UACA: variants seen among roughly 807,000 people sequenced by gnomAD.
UACA encodes nuclear membrane binding protein.
UACA carries 112 observed loss-of-function variants against 160.5 expected under a neutral mutation model. That is an observed-to-expected ratio of 0.70 (90% CI 0.60 to 0.82). The LOEUF (loss-of-function observed/expected upper bound fraction) is 0.82, where lower values mean the gene tolerates loss of function less well. Ranked by LOEUF, UACA falls within the 40% of genes least tolerant of loss-of-function variation. UACA has a pLI of 0.00. For synonymous variants in UACA, 557 were observed against 568.4 expected, an observed-to-expected ratio of 0.98 and a Z score of 0.29; for missense variants, 1,574 against 1,614.6, an observed-to-expected ratio of 0.97 and a Z score of 0.43.
At chr15:70,757,284 G>A (rs2030486698) in intron 1 of UACA, among the ~76,000 whole-genome samples, 1 of 152,150 alleles carries the variant, frequency 6.6e-6, no homozygotes, top group Non-Finnish European at 1.5e-5. Context: ...TATAGCTAAA[G>A]GGTGATTATT....
upstream of UACA, among the ~76,000 whole-genome samples, chr15:70,765,267 C>T (rs1467492265): frequency 2.0e-5 from 3 of 151,962 alleles, no homozygotes; most frequent in Non-Finnish European, 4.4e-5. Context: ...TAGGGGATGT[C>T]GGGGGCTTCT....
intron 1 of UACA, among the ~76,000 whole-genome samples, chr15:70,723,634 CTTT>C (rs71845744): frequency 5.8e-5 from 8 of 138,972 alleles, no homozygotes; most frequent in Non-Finnish European, 9.3e-5. Flanking sequence ...CAACTTTTTC[CTTT>C]TTTTTTTTTT....
chr15:70,669,355 C>T lies in UACA; in HGVS notation c.1329G>A (p.Lys443=). 6.2e-7 allele frequency: 1 copy of T among 1,613,848 alleles called. No individual in the cohort carries two copies. The highest frequency in any genetic ancestry group is 8.5e-7 in the Non-Finnish European group (1 of 1,179,930). Residue 443 remains lysine, a synonymous_variant, in exon 16 of 19, where the codon AAG becomes AAA. Coordinates refer to ENST00000322954, the MANE Select transcript of UACA (RefSeq NM_018003.4). ...AAGTTCGCATTGCTTCTAACTCTTT[C>T]TTTAAAATTTCATTTTCAGAGTATG... ...QTSYSENEIL[K]KELEAMRTFC... is the part of the protein sequence containing the mutation.
chr15:70,699,544 A>C lies in UACA; in HGVS notation c.195T>G (p.Asp65Glu). 6.2e-7 allele frequency: 1 copy of C among 1,608,006 alleles called. No homozygotes were observed. Among genetic ancestry groups the C allele is most frequent in the Non-Finnish European group, 8.5e-7 (1 of 1,178,326 alleles). Residue 65 changes from aspartate to glutamate, a missense_variant, in exon 2 of 19, where the codon GAT becomes GAG. Physicochemically the swap from Asp to Glu is conservative, Grantham distance 45. Coordinates refer to ENST00000322954, the MANE Select transcript of UACA (RefSeq NM_018003.4). Reference protein sequence around the residue: ...AKKGVNPGKLDVEGRSVFHVV... With the variant: ...AKKGVNPGKLEVEGRSVFHVV... ...ATACTTACACAGATCTGCCTTCCAC[A>C]TCTAGTTTGCCTGGATTGACCCCCT...
intron 16 of UACA, 153 bp from the exon 17 acceptor site, chr15:70,664,967 T>A (rs1423707816): frequency 8.9e-6 from 5 of 559,506 alleles, no homozygotes; most frequent in Non-Finnish European, 1.5e-5. Context: ...TTACCAAGGA[T>A]GTATACAATA....
At chr15:70,670,873 C>T (rs1164387616) in intron 15 of UACA, among the ~76,000 whole-genome samples, 166 bp downstream of exon 15, 1 of 152,102 alleles carries the variant, frequency 6.6e-6, no homozygotes, top group East Asian at 1.9e-4. Context: ...ACAGCAATAT[C>T]TGTTTTTATT....
chr15:70,690,327 A>C (rs1168089894), intron 5 of UACA, 127 bp downstream of exon 5: 11 of 888,556 alleles, frequency 1.2e-5, no homozygotes, highest in Non-Finnish European at 1.6e-5. Flanking sequence ...AATTTGTGCA[A>C]ACAGGTTTTT....
At chr15:70,671,262 C>A in intron 14 of UACA, 171 bp from the exon 15 acceptor site, 1 of 466,868 alleles carries the variant, frequency 2.1e-6, no homozygotes. Flanking sequence ...TTTCTATAAA[C>A]AGAAGTACCT....
intron 18 of UACA, among the ~76,000 whole-genome samples, chr15:70,657,357 TC>T (rs1896513920): frequency 6.6e-6 from 1 of 152,170 alleles, no homozygotes; most frequent in African/African-American, 2.4e-5. Context: ...ACGCCTGCAA[TC>T]CCAGCACTTT....
chr15:70,735,770 G>T (rs1267069971), intron 1 of UACA, among the ~76,000 whole-genome samples: 1 of 152,112 alleles, frequency 6.6e-6, no homozygotes, highest in East Asian at 1.9e-4. Flanking sequence ...CGACCTCCCA[G>T]GCTCAAGTGA....
chr15:70,675,315 A>C (rs969872880), intron 13 of UACA, among the ~76,000 whole-genome samples: 1 of 152,238 alleles, frequency 6.6e-6, no homozygotes, highest in African/African-American at 2.4e-5. Context: ...TGTGAAGAAG[A>C]TAGAAGCCAC....
At chr15:70,718,904 A>C (rs1898905776) in intron 1 of UACA, among the ~76,000 whole-genome samples, 1 of 152,194 alleles carries the variant, frequency 6.6e-6, no homozygotes, top group Admixed American at 6.5e-5. Flanking sequence ...CTGTCACATA[A>C]AAAATTGAAT....
chr15:70,686,687 T>C (rs1224446064), intron 7 of UACA, among the ~76,000 whole-genome samples: 2 of 152,016 alleles, frequency 1.3e-5, no homozygotes, highest in Non-Finnish European at 2.9e-5. Context: ...AAAGACTATT[T>C]TTTATACTTT....
rs753151975 is a variant in UACA at position 70,668,643 on chromosome 15, G to C, written c.2041C>G (p.His681Asp). Residue 681 changes from histidine to aspartate, a missense_variant, in exon 16 of 19, where the codon CAC becomes GAC. Coordinates refer to ENST00000322954, the MANE Select transcript of UACA (RefSeq NM_018003.4). ...LENVKAKLAQ[H>D]VKPEEHEQVK... ...TGTTCATGTTCCTCTGGTTTGACGTGCTGAGCAAGCTTGGCCTTAACATTC... is the reference window on the plus strand; with the variant it reads ...TGTTCATGTTCCTCTGGTTTGACGTCCTGAGCAAGCTTGGCCTTAACATTC... 6.2e-7 allele frequency: 1 copy of C among 1,613,908 alleles called. No homozygotes were observed. Among genetic ancestry groups the C allele is most frequent in the East Asian group, 2.2e-5 (1 of 44,864 alleles).
At chr15:70,699,890 G>A (rs1898279321) in intron 1 of UACA, among the ~76,000 whole-genome samples, 1 of 151,950 alleles carries the variant, frequency 6.6e-6, no homozygotes, top group Admixed American at 6.6e-5. Flanking sequence ...ATACTTTTGA[G>A]GGAAAGCATG....
chr15:70,695,068 A>G lies in UACA; in HGVS notation c.250T>C (p.Leu84=). Residue 84 remains leucine, a synonymous_variant, in exon 3 of 19, where the codon TTG becomes CTG. Coordinates refer to ENST00000322954, the MANE Select transcript of UACA (RefSeq NM_018003.4). The part of the protein sequence containing the change: ...VVTSKGNLEC[L]NAILIHGVDI... ...ACTCCATGTATAAGGATGGCATTCA[A>G]ACACTCAAGATTCCCCTTTGAGGTC... 6.2e-7 allele frequency: 1 copy of G among 1,610,510 alleles called. No individual in the cohort carries two copies. The highest frequency in any genetic ancestry group is 1.1e-5 in the South Asian group (1 of 90,482).
chr15:70,747,081 A>C (rs1269459936), intron 1 of UACA, among the ~76,000 whole-genome samples: 3 of 152,116 alleles, frequency 2.0e-5, no homozygotes, highest in African/African-American at 7.2e-5. Flanking sequence ...TACCTGTGTA[A>C]CAAACCTGTA....
intron 1 of UACA, among the ~76,000 whole-genome samples, chr15:70,718,914 T>A (rs1192552020): frequency 1.3e-5 from 2 of 152,114 alleles, no homozygotes; most frequent in Non-Finnish European, 2.9e-5. Flanking sequence ...AAAAATTGAA[T>A]AACTTGGCAA....
chr15:70,760,188 A>G (rs993539928), intron 1 of UACA, among the ~76,000 whole-genome samples: 2 of 152,208 alleles, frequency 1.3e-5, no homozygotes, highest in Admixed American at 6.5e-5. Flanking sequence ...GATGTACTTT[A>G]ACACCATAAT....
Sources: gnomAD v4.1 joint callset for allele counts (sites outside exome capture counted in the v4.1 genomes callset) on GRCh38, gnomAD v4.1.1 for gene constraint, MANE v1.5 for transcripts, NCBI Gene and HGNC (gene_info 2026-07-23, HGNC 2026-07-21) for gene names.